Variants in ST3GAL3 observed in about 807,000 individuals in gnomAD.
The protein encoded by ST3GAL3 is ST3 beta-galactoside alpha-2,3-sialyltransferase 3, also known as CMP-N-acetylneuraminate-beta-1,4-galactoside alpha-2,3-sialyltransferase.
ST3GAL3 carries 21 observed loss-of-function variants against 50.1 expected under a neutral mutation model. That is an observed-to-expected ratio of 0.42 (90% confidence interval 0.30 to 0.60). ST3GAL3 has a LOEUF of 0.60. Ranked by LOEUF, ST3GAL3 falls within the 20% of genes least tolerant of loss-of-function variation. The probability of loss-of-function intolerance (pLI) is 0.19; values close to 1 mark genes in which losing one functional copy is unlikely to be tolerated. For missense variants in ST3GAL3, 353 were observed against 489.4 expected (o/e 0.72, Z 2.63); for synonymous variants, 183 against 190.0 (o/e 0.96, Z 0.30).
chr1:43,736,844 C>T, intron 2 of ST3GAL3: 1 of 263,156 alleles, frequency 3.8e-6, no homozygotes, highest in Middle Eastern at 1.5e-3. Flanking sequence ...ACGTTGTCTA[C>T]TGAATCTTTG....
chr1:43,886,509 T>C (rs2076010840), intron 5 of ST3GAL3, among the ~76,000 whole-genome samples: 2 of 152,242 alleles, frequency 1.3e-5, no homozygotes, highest in Admixed American at 1.3e-4. Flanking sequence ...ATTATGTGCC[T>C]ATTAAAAATT....
chr1:43,894,155 A>T (rs113349241), intron 5 of ST3GAL3: 24 of 560,992 alleles, frequency 4.3e-5, no homozygotes, highest in Non-Finnish European at 7.8e-5. Context: ...TCCTACAGCT[A>T]GCCAAATAAA....
intron 5 of ST3GAL3, among the ~76,000 whole-genome samples, chr1:43,882,748 C>T (rs2075348357): frequency 6.6e-6 from 1 of 152,102 alleles, no homozygotes; most frequent in Non-Finnish European, 1.5e-5. Context: ...TGGCTGTATT[C>T]CAATAAAATA....
chr1:43,874,266 T>C (rs541095078), intron 5 of ST3GAL3, among the ~76,000 whole-genome samples: 1 of 152,190 alleles, frequency 6.6e-6, no homozygotes, highest in Admixed American at 6.5e-5. Flanking sequence ...AAGTAAAGAA[T>C]TGACCATTGG....
At chr1:43,870,552 C>T (rs1385877122) in intron 5 of ST3GAL3, among the ~76,000 whole-genome samples, 1 of 151,314 alleles carries the variant, frequency 6.6e-6, no homozygotes, top group Non-Finnish European at 1.5e-5. Context: ...ACATAAAAGG[C>T]CTGAAACCCA....
Position 43,813,895 on chromosome 1 carries a change from G to A in ST3GAL3, c.167-996G>A, listed in dbSNP as rs61768441. On this transcript the variant is annotated intron_variant, in intron 3 of 11. Transcript: ENST00000347631. Reference sequence around the variant, plus strand: ...CACACACACACACACACACACACACGCACACACGCACACACACACACACAC... The same window carrying A: ...CACACACACACACACACACACACACACACACACGCACACACACACACACAC... Among the ~76,000 whole-genome samples the A allele has an allele frequency of 6.8e-3, 666 of 97,788 alleles. 6 individuals are homozygous for A. Among genetic ancestry groups the A allele is most frequent in the African/African-American group, 0.028 (627 of 22,672 alleles). 64.2% of individuals were successfully genotyped at this position (97,788 alleles called of 152,430 possible).
chr1:43,895,576 CATAAAATAACTGCTAAAG>C (rs2077278056), intron 6 of ST3GAL3, among the ~76,000 whole-genome samples: 1 of 152,102 alleles, frequency 6.6e-6, no homozygotes. Context: ...GTCAGAATTA[CATAAAATAACTGCTAAAG>C]GGGTGATATC....
At chr1:43,793,534 C>T (rs931494657) in intron 3 of ST3GAL3, among the ~76,000 whole-genome samples, 18 of 152,108 alleles carry the variant, frequency 1.2e-4, no homozygotes, top group African/African-American at 4.1e-4. Flanking sequence ...CATGAAGTAA[C>T]CTGTTCAGGG....
At chr1:43,855,097 C>T (rs1283006657) in intron 5 of ST3GAL3, among the ~76,000 whole-genome samples, 2 of 152,172 alleles carry the variant, frequency 1.3e-5, no homozygotes, top group African/African-American at 4.8e-5. Flanking sequence ...GGTGGTATAG[C>T]TTCAGCACTG....
intron 1 of ST3GAL3, among the ~76,000 whole-genome samples, chr1:43,717,961 C>T (rs891049361): frequency 1.1e-4 from 16 of 152,042 alleles, no homozygotes; most frequent in African/African-American, 2.7e-4. Flanking sequence ...CAACCTCCAC[C>T]TCCCGGGTTC....
chr1:43,742,529 A>G lies in ST3GAL3; in HGVS notation c.118+6149A>G, dbSNP rs79543673. Among the ~76,000 whole-genome samples the G allele has an allele frequency of 9.4e-3, 1,436 of 152,334 alleles. 28 individuals are homozygous for G. Among genetic ancestry groups the G allele is most frequent in the African/African-American group, 0.034 (1,399 of 41,570 alleles). The stretch of plus-strand genomic sequence containing the variant: ...GAAGATAACAGTATTCATAGTTTTT[A>G]TGTGTAATATCCACAGTGGCTAATG... On this transcript the variant is annotated intron_variant, in intron 2 of 11. Transcript: ENST00000347631.
At position 43,736,407 on chromosome 1, in the gene ST3GAL3, C is replaced by T. The variant is rs763708812; in HGVS notation, c.118+27C>T. On this transcript the variant is annotated intron_variant, in intron 2 of 11. Transcript: ENST00000347631. ...TAAGTATAGTCACTCTAGCTCACCC[C>T]AGGAGAAGCCTGTTGCAGGTCAGTT... 7 of 1,614,146 alleles carry T rather than the reference C, an allele frequency of 4.3e-6. No individual in the cohort carries two copies. In the East Asian group the frequency reaches 1.1e-4, roughly 26 times the overall value.
In ST3GAL3 at chr1:43,899,722, A is replaced by G. The variant is rs1177645728; in HGVS notation, c.739A>G (p.Arg247Gly). 1 of 1,613,888 alleles carries G rather than the reference A, an allele frequency of 6.2e-7. No individual in the cohort carries two copies. The highest frequency in any genetic ancestry group is 2.2e-5 in the East Asian group (1 of 44,866). The change falls in exon 9 of 12, where the codon AGA (arginine) becomes GGA (glycine). Residue 247 changes from arginine to glycine, a missense_variant. Transcript: ENST00000347631. This position sits in a 1 kb window ranked among gnomAD's most constrained non-coding sequence, Gnocchi z 5.4. ...KWLKYIVYKERVSASDGFWKS... is the reference protein window; with the variant it reads ...KWLKYIVYKEGVSASDGFWKS... ...GTTGAAATACATCGTCTACAAGGAG[A>G]GAGTGGTAAGCTCTCCTGGCACCAG...
chr1:43,834,889 C>T (rs969535784), intron 4 of ST3GAL3, among the ~76,000 whole-genome samples: 21 of 152,196 alleles, frequency 1.4e-4, no homozygotes, highest in African/African-American at 5.1e-4. Context: ...TCCTCTGTGA[C>T]AGTTTCTGAT....
intron 2 of ST3GAL3, among the ~76,000 whole-genome samples, chr1:43,750,101 C>A (rs1261996580): frequency 6.6e-6 from 1 of 152,154 alleles, no homozygotes; most frequent in African/African-American, 2.4e-5. Context: ...TCAAAAGATT[C>A]ATCATCATTA....
Position 43,920,927 on chromosome 1 carries a change from A to C in ST3GAL3, c.1037A>C (p.Glu346Ala). The change falls in exon 11 of 12, where the codon GAG (glutamate) becomes GCG (alanine). Residue 346 changes from glutamate to alanine, a missense_variant and splice_region_variant. Glu to Ala is a moderately radical substitution (Grantham distance 107, BLOSUM62 -1). Coordinates refer to ENST00000347631, the MANE Select transcript of ST3GAL3 (RefSeq NM_006279.5). ...YETVRMAAIK[E>A]SWTHNIQREK... ...ACCGTTCGCATGGCAGCCATCAAAG[A>C]GGTTCGGGGCTGGGTATGGGGGCAA... is the stretch of plus-strand genomic sequence containing the variant. The C allele has an allele frequency of 1.9e-6, 3 of 1,609,682 alleles. No individual in the cohort carries two copies. Among genetic ancestry groups the C allele is most frequent in the Non-Finnish European group, 2.5e-6 (3 of 1,177,966 alleles).
intron 2 of ST3GAL3, among the ~76,000 whole-genome samples, chr1:43,759,859 G>T (rs1303105869): frequency 6.6e-6 from 1 of 152,138 alleles, no homozygotes; most frequent in Non-Finnish European, 1.5e-5. Context: ...TTGGATATGC[G>T]TTGTTTCACT....
At chr1:43,819,594 A>G (rs1486346725) in intron 4 of ST3GAL3, among the ~76,000 whole-genome samples, 2 of 152,178 alleles carry the variant, frequency 1.3e-5, no homozygotes, top group Non-Finnish European at 2.9e-5. Context: ...CTCGCTCCAG[A>G]TGTTTTCTAT....
At chr1:43,895,348 T>C (rs2077244162) in intron 6 of ST3GAL3, among the ~76,000 whole-genome samples, 1 of 152,194 alleles carries the variant, frequency 6.6e-6, no homozygotes. Flanking sequence ...AACTTAAGAC[T>C]TTCCCATCCC....
Sources: gnomAD v4.1 joint callset for allele counts (sites outside exome capture counted in the v4.1 genomes callset) on GRCh38, gnomAD v4.1.1 for gene constraint, Gnocchi (gnomAD v3.1) non-coding constraint, MANE v1.5 for transcripts, NCBI Gene and HGNC (gene_info 2026-07-23, HGNC 2026-07-21) for gene names.